Variants in RORA observed in about 807,000 individuals in gnomAD.
RORA encodes nuclear receptor ROR-alpha.
In RORA, 7 loss-of-function variants were observed where a neutral mutation model predicts 69.5. The ratio of observed to expected loss-of-function variants is 0.10; its 90% CI spans 0.06 to 0.19. The LOEUF is 0.19. Among genes scored for constraint, RORA ranks in the 10% least tolerant of loss-of-function variants. The pLI is 1.00. For synonymous variants in RORA, 261 were observed against 240.8 expected (o/e 1.08, Z -0.78); for missense variants, 457 against 663.0 (o/e 0.69, Z 3.41).
In RORA at chr15:60,872,353, T is replaced by C. The variant is rs113766494; in HGVS notation, c.167-193667A>G. On this transcript the variant is annotated intron_variant, in intron 1 of 10. Coordinates refer to ENST00000335670, the MANE Select transcript of RORA (RefSeq NM_134261.3). ...TCAAAATGCGGTCTGAGCAAGACGT[T>C]GGGTATCTTGAGAAGGTACTGAGCC... Among the ~76,000 whole-genome samples the C allele has an allele frequency of 4.6e-3, 694 of 152,256 alleles. 9 individuals carry two copies. Among genetic ancestry groups the C allele is most frequent in the African/African-American group, 0.016 (666 of 41,534 alleles).
At chr15:60,966,049 A>C (rs1211404562) in intron 1 of RORA, among the ~76,000 whole-genome samples, 12 of 152,226 alleles carry the variant, frequency 7.9e-5, no homozygotes, top group Admixed American at 3.3e-4. Flanking sequence ...GATATCAAGA[A>C]GTCCACAGAC....
At chr15:61,126,523 A>T (rs1380342461) in intron 1 of RORA, among the ~76,000 whole-genome samples, 1 of 152,210 alleles carries the variant, frequency 6.6e-6, no homozygotes, top group Non-Finnish European at 1.5e-5. Context: ...CTTGCTTTTT[A>T]AAAAATGACT....
At chr15:60,673,650 T>C (rs1025975111) in intron 2 of RORA, among the ~76,000 whole-genome samples, 2 of 152,252 alleles carry the variant, frequency 1.3e-5, no homozygotes, top group Non-Finnish European at 2.9e-5. Context: ...CAGCTTAGTT[T>C]GTTTTCCAGT....
At chr15:60,778,822 G>A (rs539424484) in intron 1 of RORA, among the ~76,000 whole-genome samples, 2 of 152,102 alleles carry the variant, frequency 1.3e-5, no homozygotes, top group Non-Finnish European at 1.5e-5. Flanking sequence ...TGGTTAAAGG[G>A]TAACCATTTT....
intron 1 of RORA, among the ~76,000 whole-genome samples, chr15:60,871,543 A>C (rs1486183795): frequency 6.6e-6 from 1 of 152,120 alleles, no homozygotes; most frequent in Non-Finnish European, 1.5e-5. Flanking sequence ...TCAGATTTTG[A>C]CTCTGTTCTT....
chr15:60,976,648 T>A (rs148603910), intron 1 of RORA, among the ~76,000 whole-genome samples: 6 of 152,274 alleles, frequency 3.9e-5, no homozygotes, highest in African/African-American at 7.2e-5. Context: ...AGTCCTTAGA[T>A]GCAAAAGACA....
intron 1 of RORA, among the ~76,000 whole-genome samples, chr15:61,187,172 T>C (rs761602744): frequency 6.6e-6 from 1 of 152,262 alleles, no homozygotes; most frequent in African/African-American, 2.4e-5. Flanking sequence ...CCAGCAGTTA[T>C]TAATTAGTTT....
rs557234846 is a variant in RORA at position 60,989,528 on chromosome 15, T to A, written c.166+239525A>T. On this transcript the variant is annotated intron_variant, in intron 1 of 10. Transcript: ENST00000335670. ...ATTATGAATAATGCTGCTCTAAATATTCAAATTTCTGTGTGAATATATGTT... is the reference window on the plus strand; with the variant it reads ...ATTATGAATAATGCTGCTCTAAATAATCAAATTTCTGTGTGAATATATGTT... Among the ~76,000 whole-genome samples the A allele has an allele frequency of 5.9e-4, 90 of 152,338 alleles. 2 individuals are homozygous for A. The South Asian group carries it at 0.018, about 31-fold the overall frequency.
intron 1 of RORA, among the ~76,000 whole-genome samples, chr15:61,192,667 T>C (rs2079811451): frequency 6.6e-6 from 1 of 152,236 alleles, no homozygotes; most frequent in South Asian, 2.1e-4. Context: ...CAATGAATAA[T>C]GATTTATGGA....
At chr15:60,818,150 A>G (rs560726661) in intron 1 of RORA, among the ~76,000 whole-genome samples, 1 of 152,316 alleles carries the variant, frequency 6.6e-6, no homozygotes, top group Non-Finnish European at 1.5e-5. Flanking sequence ...GAGAGACTAA[A>G]ATGAAATCAA....
chr15:60,982,683 T>C (rs753566950), intron 1 of RORA, among the ~76,000 whole-genome samples: 6 of 152,198 alleles, frequency 3.9e-5, no homozygotes, highest in Admixed American at 6.5e-5. Context: ...GATTGGAGTA[T>C]GGGATTCAGA....
intron 1 of RORA, among the ~76,000 whole-genome samples, chr15:61,180,176 T>C (rs1215072223): frequency 1.4e-5 from 2 of 143,888 alleles, no homozygotes; most frequent in African/African-American, 5.1e-5. Flanking sequence ...AAGACAAAAC[T>C]GTAGAGCAAC....
intron 1 of RORA, among the ~76,000 whole-genome samples, chr15:60,781,543 CCTAA>C (rs1357249202): frequency 6.6e-6 from 1 of 152,082 alleles, no homozygotes; most frequent in African/African-American, 2.4e-5. Flanking sequence ...CTATTTATCC[CCTAA>C]CCGTGCTGCT....
rs1245361588 is a variant in RORA, at chr15:60,494,148, A to G, written c.*3307T>C. ...TGCTGAAGACTTTAAAAAAAAATCC[A>G]TAGCTTTAATACACGTTAAGATGCT... On this transcript the variant is annotated 3_prime_UTR_variant, in exon 11 of 11. Transcript: ENST00000335670. 3 of 151,460 alleles carry G rather than the reference A, an allele frequency of 2.0e-5. No homozygotes were observed. Among genetic ancestry groups the G allele is most frequent in the South Asian group, 2.1e-4 (1 of 4,736 alleles). The allele number at this position is 151,460 out of a possible 1,614,324, so 9.4% of individuals were successfully genotyped here. A position where few individuals can be genotyped will look rare whatever the true frequency, so the allele number is the denominator to read the frequency against.
chr15:60,782,573 G>C (rs1163856558), intron 1 of RORA, among the ~76,000 whole-genome samples: 1 of 152,114 alleles, frequency 6.6e-6, no homozygotes, highest in African/African-American at 2.4e-5. Flanking sequence ...ATGATATGAA[G>C]TCACTCCATA....
intron 1 of RORA, among the ~76,000 whole-genome samples, chr15:61,084,466 T>C (rs2078593223): frequency 6.6e-6 from 1 of 152,176 alleles, no homozygotes; most frequent in Non-Finnish European, 1.5e-5. Flanking sequence ...ATAATTTATT[T>C]GACCTTTTTC....
chr15:60,834,450 G>C (rs970731855), intron 1 of RORA, among the ~76,000 whole-genome samples: 9 of 152,306 alleles, frequency 5.9e-5, no homozygotes, highest in African/African-American at 1.4e-4. Context: ...AATGGCCCCA[G>C]ATATGTCCTA....
At chr15:61,002,901 G>A (rs1894785750) in intron 1 of RORA, among the ~76,000 whole-genome samples, 1 of 151,644 alleles carries the variant, frequency 6.6e-6, no homozygotes. Context: ...GGAAGAAGAG[G>A]CGGGCAGATT....
chr15:60,988,296 C>T (rs540784190), intron 1 of RORA, among the ~76,000 whole-genome samples: 2 of 152,242 alleles, frequency 1.3e-5, no homozygotes, highest in South Asian at 4.2e-4. Flanking sequence ...TATTAATTCC[C>T]TTTGGGGTAG....
Sources: gnomAD v4.1 joint callset for allele counts (sites outside exome capture counted in the v4.1 genomes callset) on GRCh38, gnomAD v4.1.1 for gene constraint, MANE v1.5 for transcripts, NCBI Gene and HGNC (gene_info 2026-07-23, HGNC 2026-07-21) for gene names.